The following MCOLN3 variants were observed in gnomAD, a reference collection of about 807,000 sequenced individuals.
MCOLN3 encodes mucolipin TRP cation channel 3.
MCOLN3 carries 62 observed loss-of-function variants against 69.4 expected under a neutral mutation model. That is an observed-to-expected ratio of 0.89 (90% CI 0.73 to 1.10). The LOEUF is 1.10. MCOLN3 is among the 50% of genes least tolerant of loss of function. MCOLN3 has a pLI of 0.00. For missense variants in MCOLN3, 564 were observed against 656.4 expected, an observed-to-expected ratio of 0.86 and a Z score of 1.54; for synonymous variants, 183 against 217.0, an observed-to-expected ratio of 0.84 and a Z score of 1.38.
At position 85,029,099 on chromosome 1, in the gene MCOLN3, CACTT is replaced by C; in HGVS notation, c.832+3_832+6del. The C allele has an allele frequency of 6.5e-7, 1 of 1,528,154 alleles. No individual in the cohort carries two copies. Among genetic ancestry groups the C allele is most frequent in the Admixed American group, 1.7e-5 (1 of 59,630 alleles). 94.7% of individuals were successfully genotyped at this position (1,528,154 alleles called of 1,614,324 possible). On this transcript the variant is annotated splice_donor_5th_base_variant and intron_variant, in intron 7 of 12. Transcript: ENST00000370589. The stretch of plus-strand genomic sequence containing the variant: ...CATTCTGAAAACTAGTAATGCGCAT[CACTT>C]ACTTGATCCAGATACATGCCAGTCT...
chr1:85,034,026 G>T, intron 4 of MCOLN3, 72 bp downstream of exon 4: 1 of 1,485,994 alleles, frequency 6.7e-7, no homozygotes, highest in South Asian at 1.2e-5. Context: ...TGTTTTCAAA[G>T]ATGAAATTAC....
rs1355599188 is a variant in MCOLN3, at chr1:85,019,230, T to C, written c.1555A>G (p.Thr519Ala). 6.2e-7 allele frequency: 1 copy of C among 1,613,838 alleles called. No homozygotes were observed. Among genetic ancestry groups the C allele is most frequent in the East Asian group, 2.2e-5 (1 of 44,858 alleles). Residue 519 changes from threonine to alanine, a missense_variant, in exon 13 of 13, where the codon ACT becomes GCT. By Grantham distance (58) the Thr-to-Ala change is moderately conservative. Transcript: ENST00000370589. Reference protein sequence around the residue: ...KQYQQDGFPETELRTFISECK... With the variant: ...KQYQQDGFPEAELRTFISECK... ...TCTGATATAAATGTACGAAGTTCAGTCTCTGGGAAGCCATCTTGTTGGTAT... is the reference window on the plus strand; with the variant it reads ...TCTGATATAAATGTACGAAGTTCAGCCTCTGGGAAGCCATCTTGTTGGTAT...
intron 12 of MCOLN3, 116 bp downstream of exon 12, chr1:85,020,954 T>C (rs1423805517): frequency 8.4e-6 from 6 of 710,692 alleles, no homozygotes; most frequent in Non-Finnish European, 1.3e-5. Context: ...CCTTTTTCTC[T>C]ATCCTGAAGA....
chr1:85,028,329 ATT>A (rs922281917), intron 7 of MCOLN3, among the ~76,000 whole-genome samples: 8 of 152,186 alleles, frequency 5.3e-5, no homozygotes, highest in African/African-American at 1.9e-4. Context: ...AGTAAGGACT[ATT>A]TACACATTTC....
At chr1:85,046,769 G>A (rs377553053) in intron 1 of MCOLN3, among the ~76,000 whole-genome samples, 3 of 152,142 alleles carry the variant, frequency 2.0e-5, no homozygotes, top group African/African-American at 7.2e-5. Context: ...GATTAATAAG[G>A]ATACTGCTGG....
chr1:85,044,755 G>C (rs930849689), intron 2 of MCOLN3, among the ~76,000 whole-genome samples: 1 of 152,192 alleles, frequency 6.6e-6, no homozygotes, highest in Non-Finnish European at 1.5e-5. Context: ...TTTCTGAAGA[G>C]AGAAATTCCC....
In MCOLN3 at chr1:85,021,071, T is replaced by G. The variant is rs1651900913; in HGVS notation, c.1526A>C (p.Lys509Thr). Residue 509 changes from lysine to threonine, a missense_variant and splice_region_variant, in exon 12 of 13, where the codon AAG (lysine) becomes ACG (threonine). Coordinates refer to ENST00000370589, the MANE Select transcript of MCOLN3 (RefSeq NM_018298.11). The stretch of plus-strand genomic sequence containing the variant: ...ACTTATGGCTCTTGATAAACCTACC[T>G]TAATTGTTTCGTATGTATCAGTGAT... ...ALITDTYETI[K>T]QYQQDGFPET... is the part of the protein sequence containing the mutation. 1 of 1,604,044 alleles carries G rather than the reference T, an allele frequency of 6.2e-7. No homozygotes were observed. Among genetic ancestry groups the G allele is most frequent in the African/African-American group, 1.3e-5 (1 of 74,528 alleles).
chr1:85,034,228 G>A lies in MCOLN3; in HGVS notation c.420C>T (p.Ser140=), dbSNP rs769510387. ...VNQYLQLYNV[S]VGNHAYENKG... The stretch of plus-strand genomic sequence containing the variant: ...TGTTCTCATAAGCATGATTCCCAAC[G>A]GAGACATTGTATAGCTGCAAGTACT... Residue 140 remains serine (S), a synonymous_variant, in exon 4 of 13, where the codon TCC becomes TCT. Transcript: ENST00000370589. 1.2e-5 allele frequency: 19 copies of A among 1,613,972 alleles called. No individual in the cohort carries two copies. Among genetic ancestry groups the A allele is most frequent in the Non-Finnish European group, 1.5e-5 (18 of 1,180,012 alleles).
At chr1:85,034,633 A>G (rs979431734) in intron 3 of MCOLN3, among the ~76,000 whole-genome samples, 2 of 152,232 alleles carry the variant, frequency 1.3e-5, no homozygotes, top group Non-Finnish European at 2.9e-5. Flanking sequence ...CTACTTTAAC[A>G]CTGTAGTATA....
chr1:85,021,086 G>A lies in MCOLN3; in HGVS notation c.1511C>T (p.Thr504Ile). 4 of 1,608,326 alleles carry A rather than the reference G, an allele frequency of 2.5e-6. No individual in the cohort carries two copies. The highest frequency in any genetic ancestry group is 2.5e-6 in the Non-Finnish European group (3 of 1,177,198). ...LSLFIALITD[T>I]YETIKQYQQD... Reference sequence around the variant, plus strand: ...TAAACCTACCTTAATTGTTTCGTATGTATCAGTGATCAGTGCAATGAAAAG... The same window carrying A: ...TAAACCTACCTTAATTGTTTCGTATATATCAGTGATCAGTGCAATGAAAAG... Residue 504 changes from threonine (T) to isoleucine (I), a missense_variant, in exon 12 of 13, where the codon ACA becomes ATA. By Grantham distance (89) the Thr-to-Ile change is moderately conservative (BLOSUM62 -1). Coordinates refer to ENST00000370589, the MANE Select transcript of MCOLN3 (RefSeq NM_018298.11).
intron 3 of MCOLN3, 35 bp from the exon 4 acceptor site, chr1:85,034,286 C>T (rs763974708): frequency 2.5e-6 from 4 of 1,612,032 alleles, no homozygotes; most frequent in Admixed American, 3.3e-5. Context: ...AATGGGAATG[C>T]CAGCCAGGGC....
Position 85,022,094 on chromosome 1 carries a change from G to C in MCOLN3, c.1296C>G (p.Ile432Met). The change falls in exon 11 of 13, where the codon ATC becomes ATG. Residue 432 changes from isoleucine to methionine, a missense_variant. Coordinates refer to ENST00000370589, the MANE Select transcript of MCOLN3 (RefSeq NM_018298.11). The part of the protein sequence containing the change: ...IYLGYCFCGW[I>M]VLGPYHDKFR... ...CCTTGTCATGGTAAGGCCCCAGCAC[G>C]ATCCATCCACAGAAGCAGTAACCTA... is the stretch of plus-strand genomic sequence containing the variant. 6.2e-7 allele frequency: 1 copy of C among 1,614,074 alleles called. No individual in the cohort carries two copies. The highest frequency in any genetic ancestry group is 8.5e-7 in the Non-Finnish European group (1 of 1,179,956).
intron 1 of MCOLN3, among the ~76,000 whole-genome samples, chr1:85,045,651 T>C (rs547069348): frequency 6.6e-6 from 1 of 152,322 alleles, no homozygotes; most frequent in South Asian, 2.1e-4. Flanking sequence ...ATATAGGATG[T>C]ATATGTTTTC....
At chr1:85,030,030 T>C (rs1388946384) in intron 6 of MCOLN3, 3 of 152,260 alleles carry the variant, frequency 2.0e-5, no homozygotes, top group Non-Finnish European at 2.9e-5. Context: ...AAATGACTTT[T>C]AAAAGTTCAA....
At chr1:85,036,068 A>C (rs1287616054) in intron 3 of MCOLN3, among the ~76,000 whole-genome samples, 1 of 152,140 alleles carries the variant, frequency 6.6e-6, no homozygotes, top group East Asian at 1.9e-4. Flanking sequence ...CTGACAGATG[A>C]TGCTCTTCTA....
intron 6 of MCOLN3, chr1:85,029,774 A>T (rs1652410133): frequency 6.6e-6 from 1 of 152,258 alleles, no homozygotes; most frequent in South Asian, 2.1e-4. Context: ...AAGAATAACC[A>T]CTTCAGGACA....
In MCOLN3 at chr1:85,034,235, T is replaced by C; in HGVS notation, c.413A>G (p.Asn138Ser). ...ATAAGCATGATTCCCAACGGAGACATTGTATAGCTGCAAGTACTTCAACCA... is the reference window on the plus strand; with the variant it reads ...ATAAGCATGATTCCCAACGGAGACACTGTATAGCTGCAAGTACTTCAACCA... Reference protein sequence around the residue: ...FAVNQYLQLYNVSVGNHAYEN... With the variant: ...FAVNQYLQLYSVSVGNHAYEN... Residue 138 changes from asparagine (N) to serine (S), a missense_variant, in exon 4 of 13, where the codon AAT becomes AGT. Asn to Ser is a conservative substitution (Grantham distance 46). Coordinates refer to ENST00000370589, the MANE Select transcript of MCOLN3 (RefSeq NM_018298.11). 6 of 1,614,120 alleles carry C rather than the reference T, an allele frequency of 3.7e-6. No individual in the cohort carries two copies. The highest frequency in any genetic ancestry group is 4.2e-6 in the Non-Finnish European group (5 of 1,179,992).
At chr1:85,026,478 T>C (rs1240972746) in intron 7 of MCOLN3, among the ~76,000 whole-genome samples, 194 bp from the exon 8 acceptor site, 6 of 152,112 alleles carry the variant, frequency 3.9e-5, no homozygotes, top group Non-Finnish European at 8.8e-5. Context: ...CAACTGAGGC[T>C]GGGTGTGGTG....
chr1:85,038,528 G>A lies in MCOLN3; in HGVS notation c.396+2482C>T, dbSNP rs149014280. Among the ~76,000 whole-genome samples the A allele has an allele frequency of 2.0e-5, 3 of 152,318 alleles. No homozygotes were observed. The East Asian group carries it at 5.8e-4, about 29-fold the overall frequency. On this transcript the variant is annotated intron_variant, in intron 3 of 12. Transcript: ENST00000370589. ...AGCCCTGGAGATTATCCAGTAGGAT[G>A]ACATCTTGGGGCTAAACCCTTGGGG...
Sources: allele counts gnomAD v4.1 joint callset (sites outside exome capture counted in the v4.1 genomes callset), GRCh38; gene constraint gnomAD v4.1.1; transcripts MANE v1.5; gene names NCBI Gene and HGNC (gene_info 2026-07-23, HGNC 2026-07-21).